ZBTB4: variants seen among roughly 807,000 people sequenced by gnomAD.
ZBTB4 encodes zinc finger and BTB domain containing 4.
Under a neutral mutation model 59.8 loss-of-function variants are expected in ZBTB4, and 14 were observed. That is an observed-to-expected ratio of 0.23 (90% CI 0.15 to 0.37). The LOEUF (loss-of-function observed/expected upper bound fraction) is 0.37. Among genes scored for constraint, ZBTB4 ranks in the 10% least tolerant of loss-of-function variants. The pLI, the probability that ZBTB4 is intolerant of heterozygous loss-of-function variation, is 1.00. For synonymous variants in ZBTB4, 587 were observed against 575.2 expected (o/e 1.02, Z -0.29); for missense variants, 1,198 against 1,380.8 (o/e 0.87, Z 2.10).
chr17:7,471,603 G>C (rs1227129090), intron 1 of ZBTB4, among the ~76,000 whole-genome samples: 1 of 152,182 alleles, frequency 6.6e-6, no homozygotes, highest in Non-Finnish European at 1.5e-5. Flanking sequence ...GACGCAGCTT[G>C]AGTTAAACTG....
At chr17:7,471,818 A>G (rs891752239) in intron 1 of ZBTB4, among the ~76,000 whole-genome samples, 2 of 152,190 alleles carry the variant, frequency 1.3e-5, no homozygotes, top group South Asian at 4.1e-4. Context: ...TCAGTCCTGG[A>G]AAATGGTGGG....
rs1308411872 is a variant in ZBTB4, at chr17:7,465,944, C to A, written c.858G>T (p.Leu286=). The A allele has an allele frequency of 6.2e-7, 1 of 1,606,806 alleles. No homozygotes were observed. Among genetic ancestry groups the A allele is most frequent in the Non-Finnish European group, 8.5e-7 (1 of 1,175,316 alleles). ...GGPAGVDASA[L]PPPVGFRGGP... ...CCCCTCGGAAGCCCACTGGTGGAGG[C>A]AGGGCTGAGGCGTCCACCCCTGCAG... is the stretch of plus-strand genomic sequence containing the variant. The change falls in exon 3 of 4, where the codon CTG becomes CTT. Residue 286 remains leucine (L), a synonymous_variant. Coordinates refer to ENST00000380599, the MANE Select transcript of ZBTB4 (RefSeq NM_001128833.2).
Position 7,460,634 on chromosome 17 carries a change from A to G in ZBTB4, c.*1306T>C, listed in dbSNP as rs1369148119. On this transcript the variant is annotated 3_prime_UTR_variant, in exon 4 of 4. Transcript: ENST00000380599. ...GGCCCAGTTTTCAAAGAGAATTAGG[A>G]GCAAACATTTATCTCCCCCACTGGA... 6.6e-6 allele frequency: 1 copy of G among 152,552 alleles called. No homozygotes were observed. The highest frequency in any genetic ancestry group is 1.5e-5 in the Non-Finnish European group (1 of 68,036). The allele number at this position is 152,552 out of a possible 1,614,324, so 9.4% of individuals were successfully genotyped here.
intron 3 of ZBTB4, among the ~76,000 whole-genome samples, chr17:7,465,094 T>G (rs1378938052): frequency 1.1e-4 from 16 of 140,652 alleles, no homozygotes; most frequent in Non-Finnish European, 1.4e-4. Context: ...AAGTGGAGCT[T>G]GCAGTGAGCC....
intron 1 of ZBTB4, among the ~76,000 whole-genome samples, chr17:7,469,094 T>C (rs1331898590): frequency 2.0e-5 from 3 of 152,114 alleles, no homozygotes; most frequent in Non-Finnish European, 4.4e-5. Context: ...CAAGAGTCAG[T>C]GTTTTATTTG....
At chr17:7,469,606 A>T (rs1359275892) in intron 1 of ZBTB4, among the ~76,000 whole-genome samples, 1 of 87,534 alleles carries the variant, frequency 1.1e-5, no homozygotes, top group African/African-American at 2.9e-5. Context: ...AAATAATAAT[A>T]AAAAAAAAAT....
At chr17:7,479,291 G>A (rs2150867838) in intron 1 of ZBTB4, among the ~76,000 whole-genome samples, 165 bp downstream of exon 1, 1 of 151,754 alleles carries the variant, frequency 6.6e-6, no homozygotes, top group East Asian at 2.0e-4. Flanking sequence ...CCCGGGGGCG[G>A]GGCCAGGCTC....
In ZBTB4 at chr17:7,459,902, C is replaced by T. The variant is rs1346734571; in HGVS notation, c.*2038G>A. On this transcript the variant is annotated 3_prime_UTR_variant, in exon 4 of 4. Coordinates refer to ENST00000380599, the MANE Select transcript of ZBTB4 (RefSeq NM_001128833.2). ...CCTTCCATTTTCCCATGCCTGTTTG[C>T]CTCAGAGGAGTATGGGTTAAGGATA... 1.3e-5 allele frequency: 2 copies of T among 152,610 alleles called. No homozygotes were observed. The highest frequency in any genetic ancestry group is 6.5e-5 in the Admixed American group (1 of 15,272). The allele number at this position is 152,610 out of a possible 1,614,324, so 9.5% of individuals were successfully genotyped here.
intron 1 of ZBTB4, among the ~76,000 whole-genome samples, chr17:7,475,001 G>A (rs2150863746): frequency 1.8e-5 from 2 of 112,084 alleles, no homozygotes; most frequent in South Asian, 7.5e-4. Context: ...GACAGAGTGA[G>A]ACTCTGCCTC....
chr17:7,468,368 C>T (rs894850879), intron 1 of ZBTB4, among the ~76,000 whole-genome samples: 13 of 148,870 alleles, frequency 8.7e-5, no homozygotes, highest in African/African-American at 1.2e-4. Context: ...AGCAAAACTC[C>T]GTCTCAAAAA....
upstream of ZBTB4, chr17:7,484,065 AGAT>A (rs1319085958): frequency 6.6e-6 from 1 of 152,120 alleles, no homozygotes; most frequent in African/African-American, 2.4e-5. Flanking sequence ...CTTTTGCTGA[AGAT>A]GAAACCGTTG....
rs201798093 is a variant in ZBTB4 at position 7,462,087 on chromosome 17, T to C, written c.2895A>G (p.Pro965=). The C allele has an allele frequency of 1.2e-6, 2 of 1,604,118 alleles. No homozygotes were observed. Among genetic ancestry groups the C allele is most frequent in the East Asian group, 2.2e-5 (1 of 44,774 alleles). Residue 965 remains proline, a synonymous_variant, in exon 4 of 4, where the codon CCA becomes CCG. Coordinates refer to ENST00000380599, the MANE Select transcript of ZBTB4 (RefSeq NM_001128833.2). The surrounding 1 kb of genome is among the most constrained non-coding windows in gnomAD (Gnocchi z 7.5). ...GATTCACTGCGTAGCCAAAGACCCC[T>C]GGTAGGAAGGGAAGGGCCCCCGCAC... The part of the protein sequence containing the change: ...EKGAGALPFL[P]GVFGYAVNPQ...
chr17:7,463,214 G>C lies in ZBTB4; in HGVS notation c.1768C>G (p.Arg590Gly), dbSNP rs758844316. The change falls in exon 4 of 4, where the codon CGG becomes GGG. Residue 590 changes from arginine (R) to glycine (G), a missense_variant. By Grantham distance (125) the Arg-to-Gly change is moderately radical. Coordinates refer to ENST00000380599, the MANE Select transcript of ZBTB4 (RefSeq NM_001128833.2). ...GGGGPPTGAG[R>G]GPSQLQAPPP... The stretch of plus-strand genomic sequence containing the variant: ...GGAGCCTGCAGCTGAGAGGGGCCCC[G>C]GCCAGCCCCTGTGGGGGGACCCCCA... 1 of 1,609,494 alleles carries C rather than the reference G, an allele frequency of 6.2e-7. No individual in the cohort carries two copies. Among genetic ancestry groups the C allele is most frequent in the Non-Finnish European group, 8.5e-7 (1 of 1,179,136 alleles).
upstream of ZBTB4, chr17:7,483,920 T>C (rs1282291442): frequency 6.6e-6 from 1 of 152,256 alleles, no homozygotes; most frequent in African/African-American, 2.4e-5. Context: ...TCTTGGTTTG[T>C]TCATGCATAT....
intron 1 of ZBTB4, among the ~76,000 whole-genome samples, chr17:7,471,189 AT>A (rs969611840): frequency 8.5e-4 from 128 of 151,252 alleles, no homozygotes; most frequent in Middle Eastern, 3.4e-3. Context: ...TATGAAAAAA[AT>A]TTTTTTTTTT....
At chr17:7,475,826 A>G (rs1311417838) in intron 1 of ZBTB4, among the ~76,000 whole-genome samples, 1 of 152,166 alleles carries the variant, frequency 6.6e-6, no homozygotes, top group Non-Finnish European at 1.5e-5. Flanking sequence ...GCAGCAGTCA[A>G]GATTCGAATC....
rs139010998 is a variant in ZBTB4 at position 7,462,548 on chromosome 17, C to T, written c.2434G>A (p.Gly812Arg). Residue 812 changes from glycine (G) to arginine (R), a missense_variant, in exon 4 of 4, where the codon GGG (glycine) becomes AGG (arginine). Transcript: ENST00000380599. The surrounding 1 kb of genome is among the most constrained non-coding windows in gnomAD (Gnocchi z 7.5). ...YSKGSAGTRPGDVKEEAPQEM... is the reference protein window; with the variant it reads ...YSKGSAGTRPRDVKEEAPQEM... ...TGGGGGGCTTCCTCCTTGACATCCC[C>T]GGGCCTGGTGCCAGCGCTGCCCTTG... The T allele has an allele frequency of 1.7e-4, 281 of 1,613,880 alleles. No homozygotes were observed. The African/African-American group carries it at 3.2e-3, about 18-fold the overall frequency.
chr17:7,465,654 C>T, intron 3 of ZBTB4, 57 bp downstream of exon 3: 1 of 1,539,736 alleles, frequency 6.5e-7, no homozygotes. Context: ...CGCCCTTGTT[C>T]CTATGACCGC....
Position 7,461,983 on chromosome 17 carries a change from T to C in ZBTB4, c.2999A>G (p.Glu1000Gly). The C allele has an allele frequency of 6.3e-7, 1 of 1,591,140 alleles. No individual in the cohort carries two copies. The highest frequency in any genetic ancestry group is 8.6e-7 in the Non-Finnish European group (1 of 1,167,328). The change falls in exon 4 of 4, where the codon GAA becomes GGA. Residue 1000 changes from glutamate (E) to glycine (G), a missense_variant. Transcript: ENST00000380599. ...PPPIPPKGEG[E>G]RAGVERTQKG... Reference sequence around the variant, plus strand: ...CTGGGTTCTCTCAACCCCTGCCCTTTCCCCTTCTCCCTTAGGGGGAATTGG... The same window carrying C: ...CTGGGTTCTCTCAACCCCTGCCCTTCCCCCTTCTCCCTTAGGGGGAATTGG...
Sources: gnomAD v4.1 joint callset for allele counts (sites outside exome capture counted in the v4.1 genomes callset) on GRCh38, gnomAD v4.1.1 for gene constraint, Gnocchi (gnomAD v3.1) non-coding constraint, MANE v1.5 for transcripts, NCBI Gene and HGNC (gene_info 2026-07-23, HGNC 2026-07-21) for gene names.